SPOPL: variants seen among roughly 807,000 people sequenced by gnomAD.
The protein encoded by SPOPL is speckle type BTB/POZ protein like, also known as speckle-type POZ protein-like.
Under a neutral mutation model 53.8 loss-of-function variants are expected in SPOPL, and 23 were observed. The observed-to-expected ratio is 0.43, with a 90% confidence interval of 0.31 to 0.61. The LOEUF (loss-of-function observed/expected upper bound fraction) is 0.61, where lower values mean the gene tolerates loss of function less well. Among genes scored for constraint, SPOPL ranks in the 20% least tolerant of loss-of-function variants. SPOPL has a pLI of 0.12. For missense variants in SPOPL, 442 were observed against 466.9 expected (o/e 0.95, Z 0.49); for synonymous variants, 164 against 149.7 (o/e 1.10, Z -0.70).
chr2:138,507,787 T>C (rs946376283), intron 1 of SPOPL, among the ~76,000 whole-genome samples: 4 of 152,218 alleles, frequency 2.6e-5, no homozygotes, highest in Admixed American at 2.0e-4. Flanking sequence ...TGGAGGTATC[T>C]TTTTAATATC....
At chr2:138,542,306 CGTT>C (rs1238049287) in intron 1 of SPOPL, among the ~76,000 whole-genome samples, 2 of 152,072 alleles carry the variant, frequency 1.3e-5, no homozygotes, top group African/African-American at 2.4e-5. Flanking sequence ...CTTTGTGTCT[CGTT>C]GATCTGTCTA....
chr2:138,568,925 C>A lies in SPOPL; in HGVS notation c.1035-11C>A. 2.5e-6 allele frequency: 4 copies of A among 1,613,144 alleles called. No homozygotes were observed. The highest frequency in any genetic ancestry group is 3.4e-6 in the Non-Finnish European group (4 of 1,179,540). ...ATTCTTTAGTAAATATCTTTTAATT[C>A]TATTTTTCAGCCAAGCAACCGACAT... On this transcript the variant is annotated splice_polypyrimidine_tract_variant and intron_variant, in intron 10 of 10. Coordinates refer to ENST00000280098, the MANE Select transcript of SPOPL (RefSeq NM_001001664.3).
chr2:138,546,785 C>G (rs1166425029), intron 1 of SPOPL, among the ~76,000 whole-genome samples: 1 of 152,154 alleles, frequency 6.6e-6, no homozygotes, highest in African/African-American at 2.4e-5. Flanking sequence ...TATTAACACC[C>G]ATCTCACAGA....
At position 138,564,759 on chromosome 2, in the gene SPOPL, C is replaced by T; in HGVS notation, c.889C>T (p.Leu297Phe). The change falls in exon 9 of 11, where the codon CTC (leucine) becomes TTC (phenylalanine). Residue 297 changes from leucine (L) to phenylalanine (F), a missense_variant. By Grantham distance (22) the Leu-to-Phe change is conservative (BLOSUM62 0). Coordinates refer to ENST00000280098, the MANE Select transcript of SPOPL (RefSeq NM_001001664.3). Reference sequence around the variant, plus strand: ...GTGCGAAGAAGCTTTGTGTAGTAACCTCTCAGTAGAGAATGTTGCAGATAC... The same window carrying T: ...GTGCGAAGAAGCTTTGTGTAGTAACTTCTCAGTAGAGAATGTTGCAGATAC... ...VMCEEALCSN[L>F]SVENVADTLV... 1.9e-6 allele frequency: 3 copies of T among 1,614,156 alleles called. No individual in the cohort carries two copies. Among genetic ancestry groups the T allele is most frequent in the Non-Finnish European group, 2.5e-6 (3 of 1,180,010 alleles).
chr2:138,538,991 C>G (rs185841324), intron 1 of SPOPL, among the ~76,000 whole-genome samples: 74 of 152,218 alleles, frequency 4.9e-4, no homozygotes, highest in Non-Finnish European at 9.0e-4. Context: ...TGAGTGAGAA[C>G]ATGCGGTGTT....
chr2:138,541,496 A>G (rs1471839913), intron 1 of SPOPL, among the ~76,000 whole-genome samples: 1 of 152,130 alleles, frequency 6.6e-6, no homozygotes, highest in Non-Finnish European at 1.5e-5. Flanking sequence ...TGAGGAATTC[A>G]TCCATTTCTT....
chr2:138,567,932 G>T (rs561221350), intron 10 of SPOPL, among the ~76,000 whole-genome samples: 14 of 152,224 alleles, frequency 9.2e-5, no homozygotes, highest in Non-Finnish European at 8.8e-5. Flanking sequence ...TGTACATAGG[G>T]TACAATAAGC....
intron 4 of SPOPL, 109 bp from the exon 5 acceptor site, chr2:138,552,445 G>T: frequency 1.6e-6 from 2 of 1,276,170 alleles, no homozygotes; most frequent in South Asian, 1.6e-5. Context: ...CTTTTATGAT[G>T]GATGTATTGA....
chr2:138,525,019 C>G (rs1684638667), intron 1 of SPOPL, among the ~76,000 whole-genome samples: 1 of 152,184 alleles, frequency 6.6e-6, no homozygotes, highest in African/African-American at 2.4e-5. Flanking sequence ...GGTATCTTTT[C>G]AGCAGTGCCC....
Position 138,513,613 on chromosome 2 carries a change from G to A in SPOPL, c.-61+11494G>A, listed in dbSNP as rs180712107. Reference sequence around the variant, plus strand: ...GCCACATGTTGGTGTTGTGGTGCACGCCTGTAGTCCCAGCTACTCAGGAAG... The same window carrying A: ...GCCACATGTTGGTGTTGTGGTGCACACCTGTAGTCCCAGCTACTCAGGAAG... On this transcript the variant is annotated intron_variant, in intron 1 of 10. Coordinates refer to ENST00000280098, the MANE Select transcript of SPOPL (RefSeq NM_001001664.3). 1.8e-3 allele frequency among the ~76,000 whole-genome samples: 267 copies of A among 151,844 alleles called. 2 individuals carry two copies. The highest frequency in any genetic ancestry group is 6.2e-3 in the African/African-American group (257 of 41,444).
intron 10 of SPOPL, among the ~76,000 whole-genome samples, chr2:138,568,183 T>C (rs576228480): frequency 6.6e-6 from 1 of 152,292 alleles, no homozygotes; most frequent in African/African-American, 2.4e-5. Flanking sequence ...TCTGTTGTCA[T>C]AATCCAAACG....
chr2:138,504,844 C>CT (rs1177215425), intron 1 of SPOPL, among the ~76,000 whole-genome samples: 2 of 152,136 alleles, frequency 1.3e-5, no homozygotes, highest in Non-Finnish European at 2.9e-5. Flanking sequence ...GCAGTCTCTG[C>CT]TTTTTTGTAA....
At chr2:138,551,267 A>G (rs773154928) in intron 4 of SPOPL, among the ~76,000 whole-genome samples, 9 of 152,092 alleles carry the variant, frequency 5.9e-5, no homozygotes, top group Non-Finnish European at 1.2e-4. Context: ...GATTAATAAT[A>G]TTACTTCTTC....
intron 4 of SPOPL, among the ~76,000 whole-genome samples, chr2:138,552,270 C>A (rs889563064): frequency 6.6e-6 from 1 of 152,002 alleles, no homozygotes; most frequent in Non-Finnish European, 1.5e-5. Flanking sequence ...TTAAAAAGAT[C>A]TCTTCCTTCT....
At chr2:138,519,532 T>A (rs1684512564) in intron 1 of SPOPL, among the ~76,000 whole-genome samples, 1 of 152,108 alleles carries the variant, frequency 6.6e-6, no homozygotes, top group Non-Finnish European at 1.5e-5. Context: ...GTCTAGAGGA[T>A]CAAATGAAAT....
chr2:138,560,908 T>G lies in SPOPL; in HGVS notation c.818T>G (p.Leu273Trp). Residue 273 changes from leucine (L) to tryptophan (W), a missense_variant, in exon 8 of 11, where the codon TTG (leucine) becomes TGG (tryptophan). Transcript: ENST00000280098. ...APNLDKMADN[L>W]LAAADKYALE... The stretch of plus-strand genomic sequence containing the variant: ...AACCTTGACAAAATGGCTGACAACT[T>G]GTTGGCAGCTGCAGACAAAGTAAGT... The G allele has an allele frequency of 6.2e-7, 1 of 1,609,624 alleles. No individual in the cohort carries two copies. Among genetic ancestry groups the G allele is most frequent in the Non-Finnish European group, 8.5e-7 (1 of 1,178,854 alleles).
At position 138,564,738 on chromosome 2, in the gene SPOPL, G is replaced by A. The variant is rs1159786852; in HGVS notation, c.868G>A (p.Glu290Lys). Residue 290 changes from glutamate (E) to lysine (K), a missense_variant, in exon 9 of 11, where the codon GAA (glutamate) becomes AAA (lysine). Glu to Lys is a moderately conservative substitution (Grantham distance 56). Coordinates refer to ENST00000280098, the MANE Select transcript of SPOPL (RefSeq NM_001001664.3). ...ACTGGAACGGCTGAAGGTCATGTGC[G>A]AAGAAGCTTTGTGTAGTAACCTCTC... ...YALERLKVMC[E>K]EALCSNLSVE... 12 of 1,614,036 alleles carry A rather than the reference G, an allele frequency of 7.4e-6. No homozygotes were observed. The highest frequency in any genetic ancestry group is 1.6e-4 in the Middle Eastern group (1 of 6,084).
At chr2:138,530,109 A>G (rs910267820) in intron 1 of SPOPL, among the ~76,000 whole-genome samples, 1 of 152,188 alleles carries the variant, frequency 6.6e-6, no homozygotes, top group Non-Finnish European at 1.5e-5. Flanking sequence ...TGCTAAAGAT[A>G]ATGGCCTCCA....
chr2:138,559,747 A>G (rs1685504854), intron 7 of SPOPL, among the ~76,000 whole-genome samples: 1 of 152,192 alleles, frequency 6.6e-6, no homozygotes, highest in African/African-American at 2.4e-5. Flanking sequence ...TTGTATACCA[A>G]CTGTAATCAG....
Sources: allele counts gnomAD v4.1 joint callset (sites outside exome capture counted in the v4.1 genomes callset), GRCh38; gene constraint gnomAD v4.1.1; transcripts MANE v1.5; gene names NCBI Gene and HGNC (gene_info 2026-07-23, HGNC 2026-07-21).